Variants in ITSN1 observed in about 807,000 individuals in gnomAD.
ITSN1 encodes the protein intersectin 1.
In ITSN1, 58 loss-of-function variants were observed where a neutral mutation model predicts 239.8. The observed-to-expected ratio is 0.24, with a 90% CI of 0.20 to 0.30. ITSN1 has a LOEUF of 0.30. Among genes scored for constraint, ITSN1 ranks in the 10% least tolerant of loss-of-function variants. The probability of loss-of-function intolerance (pLI) is 1.00; values close to 1 mark genes in which losing one functional copy is unlikely to be tolerated. For synonymous variants in ITSN1, 780 were observed against 770.8 expected (o/e 1.01, Z -0.20); for missense variants, 1,558 against 2,103.3 (o/e 0.74, Z 5.07).
At chr21:33,876,746 A>G (rs1225157601) in intron 34 of ITSN1, among the ~76,000 whole-genome samples, 1 of 152,178 alleles carries the variant, frequency 6.6e-6, no homozygotes, top group East Asian at 1.9e-4. Flanking sequence ...TAAAAAGTAA[A>G]TTAGCTGGGT....
At chr21:33,761,731 T>C (rs990475005) in intron 8 of ITSN1, among the ~76,000 whole-genome samples, 192 bp from the exon 9 acceptor site, 1 of 152,226 alleles carries the variant, frequency 6.6e-6, no homozygotes, top group African/African-American at 2.4e-5. Flanking sequence ...GATGCTGTGC[T>C]CTGTGTTTCT....
At chr21:33,749,277 A>G (rs1393859235) in intron 5 of ITSN1, among the ~76,000 whole-genome samples, 1 of 152,152 alleles carries the variant, frequency 6.6e-6, no homozygotes, top group African/African-American at 2.4e-5. Flanking sequence ...GGCATAAGCC[A>G]CTGTGCCCAG....
intron 22 of ITSN1, among the ~76,000 whole-genome samples, chr21:33,816,398 C>G (rs1158401788): frequency 6.6e-6 from 1 of 152,206 alleles, no homozygotes; most frequent in Non-Finnish European, 1.5e-5. Context: ...CTACACACAT[C>G]TTGCATTACC....
chr21:33,826,873 A>C lies in ITSN1; in HGVS notation c.3229+10A>C. 6.2e-7 allele frequency: 1 copy of C among 1,609,746 alleles called. No homozygotes were observed. On this transcript the variant is annotated intron_variant, in intron 26 of 39. Coordinates refer to ENST00000381318, the MANE Select transcript of ITSN1 (RefSeq NM_003024.3). ...TTAGGAAAAAAACCTGGTAAGTTAC[A>C]AACCCTGATGCTTACTTTTCAATGT...
At chr21:33,802,875 C>T (rs2072113079) in intron 20 of ITSN1, among the ~76,000 whole-genome samples, 1 of 152,072 alleles carries the variant, frequency 6.6e-6, no homozygotes, top group Non-Finnish European at 1.5e-5. Context: ...AATGGACAGT[C>T]AACAATATGC....
chr21:33,858,849 G>T, intron 31 of ITSN1, 57 bp downstream of exon 31: 1 of 962,950 alleles, frequency 1.0e-6, no homozygotes, highest in Non-Finnish European at 1.7e-6. Context: ...TCATGCACTC[G>T]CACCTCTGTG....
At chr21:33,742,969 C>G (rs1555895108) in intron 5 of ITSN1, among the ~76,000 whole-genome samples, 7 of 151,876 alleles carry the variant, frequency 4.6e-5, no homozygotes, top group Non-Finnish European at 1.0e-4. Context: ...ATCACTACTT[C>G]AAAACAAGCT....
chr21:33,759,711 C>A (rs2068159701), intron 8 of ITSN1, among the ~76,000 whole-genome samples: 1 of 152,198 alleles, frequency 6.6e-6, no homozygotes, highest in South Asian at 2.1e-4. Flanking sequence ...TATGCACACA[C>A]ATCCAGCAGG....
At chr21:33,819,117 A>T in intron 23 of ITSN1, 124 bp from the exon 24 acceptor site, 1 of 664,590 alleles carries the variant, frequency 1.5e-6, no homozygotes, top group Non-Finnish European at 2.6e-6. Flanking sequence ...GCTAAGTACA[A>T]CTATTTCAGC....
intron 1 of ITSN1, among the ~76,000 whole-genome samples, chr21:33,675,928 C>G (rs1001580142): frequency 1.3e-5 from 2 of 152,164 alleles, no homozygotes; most frequent in Middle Eastern, 6.8e-3. Flanking sequence ...ATATTTGTTT[C>G]CAAAATTTCA....
At position 33,797,364 on chromosome 21, in the gene ITSN1, C is replaced by T. The variant is rs370435618; in HGVS notation, c.1953-15C>T. 3.7e-5 allele frequency: 60 copies of T among 1,608,842 alleles called. No homozygotes were observed. Among genetic ancestry groups the T allele is most frequent in the South Asian group, 9.9e-5 (9 of 90,966 alleles). On this transcript the variant is annotated splice_polypyrimidine_tract_variant and intron_variant, in intron 17 of 39. Coordinates refer to ENST00000381318, the MANE Select transcript of ITSN1 (RefSeq NM_003024.3). The surrounding 1 kb of genome is among the most constrained non-coding windows in gnomAD (Gnocchi z 4.9). ...GAGTTGCTTTCTTGCTGTAATCAAG[C>T]GTGTTTGTTGGCAGACGAGCTCAGG...
rs1201923438 is a variant in ITSN1, at chr21:33,690,796, T to A, written c.-32-28001T>A. ...AAGTGTATATATATATATACATATA[T>A]ATATATATATATATATATGTATATA... is the stretch of plus-strand genomic sequence containing the variant. On this transcript the variant is annotated intron_variant, in intron 1 of 39. Coordinates refer to ENST00000381318, the MANE Select transcript of ITSN1 (RefSeq NM_003024.3). Among the ~76,000 whole-genome samples, 2 of 20,970 alleles carry A rather than the reference T, an allele frequency of 9.5e-5. 1 individual carries two copies. Among genetic ancestry groups the A allele is most frequent in the Non-Finnish European group, 1.8e-4 (2 of 11,250 alleles). The allele number at this position is 20,970 out of a possible 152,430, so 13.8% of individuals were successfully genotyped here.
intron 25 of ITSN1, 100 bp downstream of exon 25, chr21:33,823,753 G>A: frequency 8.9e-7 from 1 of 1,123,394 alleles, no homozygotes; most frequent in South Asian, 1.5e-5. Flanking sequence ...GTTTTGCTAA[G>A]TTCTGGAATG....
Position 33,885,119 on chromosome 21 carries a change from C to T in ITSN1, c.4755C>T (p.Tyr1585=). The T allele has an allele frequency of 1.2e-6, 2 of 1,613,524 alleles. No homozygotes were observed. Among genetic ancestry groups the T allele is most frequent in the Non-Finnish European group, 8.5e-7 (1 of 1,179,524 alleles). The change falls in exon 37 of 40, where the codon TAC becomes TAT. Residue 1585 remains tyrosine, a synonymous_variant. Coordinates refer to ENST00000381318, the MANE Select transcript of ITSN1 (RefSeq NM_003024.3). ...AGAAAAAGAAGCGCGAGAAAGCGTACCTGGGTAATGCATGGCCCCGCGGGG... is the reference window on the plus strand; with the variant it reads ...AGAAAAAGAAGCGCGAGAAAGCGTATCTGGGTAATGCATGGCCCCGCGGGG... The part of the protein sequence containing the change: ...ETEKKKREKA[Y]LVRSQRATGI...
chr21:33,686,492 GTAA>G (rs1239461341), intron 1 of ITSN1, among the ~76,000 whole-genome samples: 1 of 152,154 alleles, frequency 6.6e-6, no homozygotes, highest in African/African-American at 2.4e-5. Flanking sequence ...GGCTGGGTGG[GTAA>G]GTTAATGGCA....
Position 33,815,420 on chromosome 21 carries a change from G to C in ITSN1, c.2727+1348G>C, listed in dbSNP as rs530069723. 2.6e-5 allele frequency among the ~76,000 whole-genome samples: 4 copies of C among 152,208 alleles called. No individual in the cohort carries two copies. The East Asian group carries it at 5.8e-4, about 22-fold the overall frequency. On this transcript the variant is annotated intron_variant, in intron 22 of 39. Transcript: ENST00000381318. Reference sequence around the variant, plus strand: ...GGGGTTTGTTCCAGAGAGTGGAGGTGGGGGATGGGAGGTTGCTTATGTTAC... The same window carrying C: ...GGGGTTTGTTCCAGAGAGTGGAGGTCGGGGATGGGAGGTTGCTTATGTTAC...
At chr21:33,642,901 C>T (rs1339484413) in intron 1 of ITSN1, among the ~76,000 whole-genome samples, 188 bp downstream of exon 1, 4 of 151,368 alleles carry the variant, frequency 2.6e-5, no homozygotes, top group Non-Finnish European at 5.9e-5. Flanking sequence ...CTGCCTTGTC[C>T]TTCCCGTCCT....
At chr21:33,737,794 G>A (rs1257021465) in intron 5 of ITSN1, among the ~76,000 whole-genome samples, 1 of 152,052 alleles carries the variant, frequency 6.6e-6, no homozygotes, top group Non-Finnish European at 1.5e-5. Context: ...CGCTGGTCTT[G>A]AATTCCTGAC....
Position 33,856,852 on chromosome 21 carries a change from A to C in ITSN1, c.3778A>C (p.Thr1260Pro). The C allele has an allele frequency of 6.2e-7, 1 of 1,614,076 alleles. No homozygotes were observed. The highest frequency in any genetic ancestry group is 8.5e-7 in the Non-Finnish European group (1 of 1,179,964). Residue 1260 changes from threonine (T) to proline (P), a missense_variant, in exon 30 of 40, where the codon ACA becomes CCA. By Grantham distance (38) the Thr-to-Pro change is conservative. This residue lies in a region of ITSN1 where 576 missense variants were observed against 893.3 expected (regional missense o/e 0.64). Transcript: ENST00000381318. ...CTATGTGAATGACCTGCAGCTGGTC[A>C]CAGAGGTAAGGGAGCTGGTGGGGCA... ...ENYVNDLQLV[T>P]EIFQKPLMES...
Sources: gnomAD v4.1 joint callset for allele counts (sites outside exome capture counted in the v4.1 genomes callset) on GRCh38, gnomAD v4.1.1 for gene constraint, gnomAD v4.1.1 regional missense constraint, Gnocchi (gnomAD v3.1) non-coding constraint, MANE v1.5 for transcripts, NCBI Gene and HGNC (gene_info 2026-07-23, HGNC 2026-07-21) for gene names.